LAPTM4B: variants seen among roughly 807,000 people sequenced by gnomAD.
LAPTM4B encodes the protein lysosomal protein transmembrane 4 beta.
Under a neutral mutation model 28.5 loss-of-function variants are expected in LAPTM4B, and 26 were observed. That is an observed-to-expected ratio of 0.91 (90% CI 0.67 to 1.27). The LOEUF (loss-of-function observed/expected upper bound fraction) is 1.27, where lower values mean the gene tolerates loss of function less well. LAPTM4B is among the 50% of genes most tolerant of loss of function. LAPTM4B has a pLI of 0.00. For synonymous variants in LAPTM4B, 109 were observed against 106.4 expected (o/e 1.02, Z -0.15); for missense variants, 288 against 285.8 (o/e 1.01, Z -0.06).
chr8:97,800,869 C>T (rs974883296), intron 1 of LAPTM4B, among the ~76,000 whole-genome samples: 2 of 151,946 alleles, frequency 1.3e-5, no homozygotes, highest in Non-Finnish European at 2.9e-5. Context: ...CCCAGGACTT[C>T]GGGAGGCCGG....
intron 6 of LAPTM4B, among the ~76,000 whole-genome samples, chr8:97,830,022 A>T (rs912384908): frequency 1.3e-5 from 2 of 152,108 alleles, no homozygotes; most frequent in African/African-American, 2.4e-5. Context: ...AAAGTGAAGA[A>T]GATGTTCGGG....
At chr8:97,787,006 G>A (rs557034434) in intron 1 of LAPTM4B, among the ~76,000 whole-genome samples, 12 of 152,188 alleles carry the variant, frequency 7.9e-5, no homozygotes, top group Admixed American at 2.6e-4. Context: ...AGGCTGGGGG[G>A]TGGGGGTGTA....
intron 6 of LAPTM4B, among the ~76,000 whole-genome samples, chr8:97,827,232 C>A (rs1166004427): frequency 6.6e-6 from 1 of 152,210 alleles, no homozygotes; most frequent in Non-Finnish European, 1.5e-5. Context: ...TGACTTACTT[C>A]TGCACTAAGG....
intron 1 of LAPTM4B, among the ~76,000 whole-genome samples, chr8:97,778,710 T>G (rs1816263996): frequency 6.6e-6 from 1 of 152,128 alleles, no homozygotes; most frequent in Non-Finnish European, 1.5e-5. Context: ...TCCTTTTAAC[T>G]TTTTGCCTAC....
At chr8:97,776,690 T>TAC (rs1816224111) in intron 1 of LAPTM4B, among the ~76,000 whole-genome samples, 1 of 148,996 alleles carries the variant, frequency 6.7e-6, no homozygotes, top group African/African-American at 2.5e-5. Context: ...TGTGAATGGG[T>TAC]CCCCCCCCCG....
intron 1 of LAPTM4B, among the ~76,000 whole-genome samples, chr8:97,782,991 T>C (rs1219586985): frequency 6.7e-6 from 1 of 150,104 alleles, no homozygotes; most frequent in Non-Finnish European, 1.5e-5. Flanking sequence ...CAAGCTGGTC[T>C]CAAACTCCCG....
rs546425169 is a variant in LAPTM4B, at chr8:97,800,484, C to CTTTTTTTTTTTTTTTTTTT, written c.100-4860_100-4842dup. On this transcript the variant is annotated intron_variant, in intron 1 of 6. Transcript: ENST00000521545. ...CTTCTGTAATATTACCCCTTGACCT[C>CTTTTTTTTTTTTTTTTTTT]TTTTTTTTTTTTTTTTTTTTTTTTT... 4.2e-4 allele frequency among the ~76,000 whole-genome samples: 29 copies of CTTTTTTTTTTTTTTTTTTT among 69,326 alleles called. 2 individuals carry two copies. Among genetic ancestry groups the CTTTTTTTTTTTTTTTTTTT allele is most frequent in the African/African-American group, 2.1e-3 (28 of 13,392 alleles). The allele number at this position is 69,326 out of a possible 152,430, so 45.5% of individuals were successfully genotyped here. A position where few individuals can be genotyped will look rare whatever the true frequency, so the allele number is the denominator to read the frequency against.
chr8:97,830,359 G>T (rs2512052), intron 6 of LAPTM4B, among the ~76,000 whole-genome samples: 71,355 of 151,816 alleles, frequency 0.47, 17,034 homozygotes, highest in East Asian at 0.57. Context: ...CACTCTAGGA[G>T]AGAGTTAAGG....
chr8:97,825,289 C>G (rs1817075329), intron 6 of LAPTM4B, 136 bp downstream of exon 6: 1 of 505,492 alleles, frequency 2.0e-6, no homozygotes, highest in Admixed American at 3.5e-5. Context: ...TCAAAAGATT[C>G]ATCTTAGTTA....
At position 97,816,069 on chromosome 8, in the gene LAPTM4B, C is replaced by T. The variant is rs1289306963; in HGVS notation, c.297C>T (p.Ala99=). 1 of 1,612,590 alleles carries T rather than the reference C, an allele frequency of 6.2e-7. No homozygotes were observed. Among genetic ancestry groups the T allele is most frequent in the Non-Finnish European group, 8.5e-7 (1 of 1,179,528 alleles). The change falls in exon 4 of 7, where the codon GCC becomes GCT. Residue 99 remains alanine (A), a synonymous_variant. Coordinates refer to ENST00000521545, the MANE Select transcript of LAPTM4B (RefSeq NM_018407.6). ...TCTGTTCTGTTTAGCAACGCGCAGC[C>T]TGGATCATCCCATTCTTCTGTTACC... ...ATYGAYKQRA[A]WIIPFFCYQI...
chr8:97,800,484 C>CTTTTTTTTTTTTTTTT lies in LAPTM4B; in HGVS notation c.100-4857_100-4842dup, dbSNP rs546425169. ...CTTCTGTAATATTACCCCTTGACCT[C>CTTTTTTTTTTTTTTTT]TTTTTTTTTTTTTTTTTTTTTTTTT... On this transcript the variant is annotated intron_variant, in intron 1 of 6. Transcript: ENST00000521545. Among the ~76,000 whole-genome samples, 36 of 69,326 alleles carry CTTTTTTTTTTTTTTTT rather than the reference C, an allele frequency of 5.2e-4. 4 individuals carry two copies. Among genetic ancestry groups the CTTTTTTTTTTTTTTTT allele is most frequent in the African/African-American group, 2.6e-3 (35 of 13,392 alleles). 45.5% of individuals were successfully genotyped at this position (69,326 alleles called of 152,430 possible).
chr8:97,793,860 G>T (rs1007020669), intron 1 of LAPTM4B, among the ~76,000 whole-genome samples: 4 of 152,204 alleles, frequency 2.6e-5, no homozygotes, highest in African/African-American at 9.6e-5. Context: ...AGGCTGGGGA[G>T]CAGTGGCACC....
intron 6 of LAPTM4B, among the ~76,000 whole-genome samples, chr8:97,828,584 C>T (rs1437916661): frequency 6.6e-6 from 1 of 152,080 alleles, no homozygotes; most frequent in Non-Finnish European, 1.5e-5. Context: ...TTGATATTGT[C>T]GTATACAAGG....
intron 6 of LAPTM4B, among the ~76,000 whole-genome samples, chr8:97,850,302 G>A (rs1381840463): frequency 6.6e-6 from 1 of 151,790 alleles, no homozygotes; most frequent in Non-Finnish European, 1.5e-5. Context: ...GGCTTTTCGG[G>A]GGCCGGCCTA....
intron 6 of LAPTM4B, among the ~76,000 whole-genome samples, chr8:97,850,855 A>G (rs1254448922): frequency 1.3e-5 from 2 of 150,392 alleles, no homozygotes; most frequent in Admixed American, 1.3e-4. Flanking sequence ...TTCTACTCCA[A>G]GAAAGCCGAA....
chr8:97,786,717 A>C lies in LAPTM4B; in HGVS notation c.99+10609A>C, dbSNP rs868532796. Among the ~76,000 whole-genome samples, 296 of 150,276 alleles carry C rather than the reference A, an allele frequency of 2.0e-3. 7 individuals carry two copies. The South Asian group carries it at 0.052, about 27-fold the overall frequency. On this transcript the variant is annotated intron_variant, in intron 1 of 6. Transcript: ENST00000521545. ...CCCGTCTCAGAAAAAAAAAAAAAAAACCATTAACCTTGAGCTACTAAAATT... is the reference window on the plus strand; with the variant it reads ...CCCGTCTCAGAAAAAAAAAAAAAAACCCATTAACCTTGAGCTACTAAAATT...
rs1260678512 is a variant in LAPTM4B, at chr8:97,820,292, T to TTTTC, written c.507+1066_507+1069dup. ...TCAACTTTTTTCTTTTTTTATTTATTTTTCTTTCTTTCTTTTTTTTTTTTT... is the reference window on the plus strand; with the variant it reads ...TCAACTTTTTTCTTTTTTTATTTATTTTTCTTTCTTTCTTTCTTTTTTTTTTTTT... On this transcript the variant is annotated intron_variant, in intron 5 of 6. Transcript: ENST00000521545. Among the ~76,000 whole-genome samples the TTTTC allele has an allele frequency of 5.7e-3, 766 of 135,162 alleles. 5 individuals are homozygous for TTTTC. The highest frequency in any genetic ancestry group is 0.051 in the Middle Eastern group (14 of 276). The allele number at this position is 135,162 out of a possible 152,430, so 88.7% of individuals were successfully genotyped here. A position where few individuals can be genotyped will look rare whatever the true frequency, so the allele number is the denominator to read the frequency against.
chr8:97,831,541 G>A lies in LAPTM4B; in HGVS notation c.603+6388G>A, dbSNP rs77132637. 7.3e-3 allele frequency among the ~76,000 whole-genome samples: 1,118 copies of A among 152,226 alleles called. 12 individuals carry two copies. The highest frequency in any genetic ancestry group is 0.021 in the South Asian group (100 of 4,812). On this transcript the variant is annotated intron_variant, in intron 6 of 6. Transcript: ENST00000521545. ...ATTTCCATAATGGGAAATAAATGAGGGGTTCTAAAAGACAGGTGAGAGGTT... is the reference window on the plus strand; with the variant it reads ...ATTTCCATAATGGGAAATAAATGAGAGGTTCTAAAAGACAGGTGAGAGGTT...
intron 1 of LAPTM4B, among the ~76,000 whole-genome samples, chr8:97,786,984 A>T (rs1370403680): frequency 1.3e-5 from 2 of 152,102 alleles, no homozygotes. Context: ...CCTTGAGGCC[A>T]TCCAGAGACC....
Sources: gnomAD v4.1 joint callset for allele counts (sites outside exome capture counted in the v4.1 genomes callset) on GRCh38, gnomAD v4.1.1 for gene constraint, MANE v1.5 for transcripts, NCBI Gene and HGNC (gene_info 2026-07-23, HGNC 2026-07-21) for gene names.